The following FAAH2 variants were observed in gnomAD, a reference collection of about 807,000 sequenced individuals.
The protein encoded by FAAH2 is fatty-acid amide hydrolase 2.
In FAAH2, 60 loss-of-function variants were observed where a neutral mutation model predicts 36.9. The observed-to-expected ratio is 1.63, with a 90% CI of 1.32 to 2.02. The LOEUF (loss-of-function observed/expected upper bound fraction) is 2.02, where lower values mean the gene tolerates loss of function less well. FAAH2 is among the 30% of genes most tolerant of loss of function. The probability of loss-of-function intolerance (pLI) is 0.00; values close to 1 mark genes in which losing one functional copy is unlikely to be tolerated. For synonymous variants in FAAH2, 214 were observed against 143.8 expected, an observed-to-expected ratio of 1.49 and a Z score of -3.49; for missense variants, 689 against 397.5, an observed-to-expected ratio of 1.73 and a Z score of -6.23.
At chrX:57,132,485 GA>G in the FAAH2 span, among the ~76,000 whole-genome samples, 1 of 112,096 alleles carries the variant, frequency 8.9e-6, no homozygotes, top group Non-Finnish European at 1.9e-5. Flanking sequence ...AGGAAGACCA[GA>G]AAACGTGGTG....
chrX:57,135,562 G>T, the FAAH2 span: 5 of 489,465 alleles, frequency 1.0e-5, no homozygotes, highest in Non-Finnish European at 1.6e-5. Flanking sequence ...ATTCACAGCC[G>T]AAATTGACAG....
At chrX:57,249,223 C>T in the FAAH2 span, among the ~76,000 whole-genome samples, 161 of 111,698 alleles carry the variant, frequency 1.4e-3, no homozygotes, top group African/African-American at 4.9e-3. Context: ...GCAACCAGAA[C>T]AGTCAGTTTC....
Position 57,286,888 on chromosome X carries a change from A to G in FAAH2, c.63A>G (p.Ile21Met). 8.3e-7 allele frequency: 1 copy of G among 1,200,689 alleles called. No individual in the cohort carries two copies. The highest frequency in any genetic ancestry group is 1.8e-5 in the South Asian group (1 of 55,239). The change falls in exon 1 of 11, where the codon ATA (isoleucine) becomes ATG (methionine). Residue 21 changes from isoleucine (I) to methionine (M), a missense_variant. By Grantham distance (10) the Ile-to-Met change is conservative. Coordinates refer to ENST00000374900, the MANE Select transcript of FAAH2 (RefSeq NM_174912.4). ...LFLLRALGFL[I>M]GLVGRAALVL... Reference sequence around the variant, plus strand: ...TCTTGCGGGCGCTAGGCTTTCTCATAGGCTTAGTAGGCCGAGCAGCTTTAG... The same window carrying G: ...TCTTGCGGGCGCTAGGCTTTCTCATGGGCTTAGTAGGCCGAGCAGCTTTAG...
intron 10 of FAAH2, among the ~76,000 whole-genome samples, chrX:57,478,182 G>A (rs192757304): frequency 4.7e-4 from 52 of 111,646 alleles, no homozygotes; most frequent in Non-Finnish European, 7.9e-4. Flanking sequence ...ATTGCCATTC[G>A]AACTGGTATG....
chrX:57,161,854 A>C, the FAAH2 span, among the ~76,000 whole-genome samples: 1 of 111,389 alleles, frequency 9.0e-6, no homozygotes, highest in African/African-American at 3.3e-5. Context: ...CATTTAGTCC[A>C]TTTACATTTA....
chrX:57,225,606 G>A, the FAAH2 span, among the ~76,000 whole-genome samples: 1 of 111,631 alleles, frequency 9.0e-6, no homozygotes, highest in South Asian at 3.7e-4. Context: ...AATAGAATGT[G>A]TATTCTGCAG....
At chrX:57,458,614 G>T (rs1602731506) in intron 10 of FAAH2, among the ~76,000 whole-genome samples, 1 of 112,287 alleles carries the variant, frequency 8.9e-6, no homozygotes, top group Non-Finnish European at 1.9e-5. Flanking sequence ...AGTGACTTCT[G>T]CATTTGCAAT....
intron 2 of FAAH2, among the ~76,000 whole-genome samples, chrX:57,295,902 C>A (rs756805719): frequency 1.8e-5 from 2 of 112,406 alleles, no homozygotes; most frequent in African/African-American, 6.5e-5. Context: ...AGCAGCGAGG[C>A]TGGGGGAGGG....
At chrX:57,471,796 GC>G in intron 10 of FAAH2, among the ~76,000 whole-genome samples, 1 of 111,701 alleles carries the variant, frequency 9.0e-6, no homozygotes, top group Admixed American at 9.6e-5. Context: ...TCAACCCTAA[GC>G]CAAAAGAACA....
At chrX:57,366,446 G>A (rs966000180) in intron 5 of FAAH2, among the ~76,000 whole-genome samples, 3 of 112,298 alleles carry the variant, frequency 2.7e-5, no homozygotes, top group African/African-American at 9.7e-5. Flanking sequence ...CCAGCCCATT[G>A]GTGACAACAC....
intron 7 of FAAH2, chrX:57,392,996 G>T: frequency 1.1e-6 from 1 of 921,505 alleles, no homozygotes; most frequent in Non-Finnish European, 1.6e-6. Flanking sequence ...GGAGCTTGAG[G>T]TCATAAAGGA....
the FAAH2 span, among the ~76,000 whole-genome samples, chrX:57,222,016 A>G: frequency 9.0e-6 from 1 of 110,980 alleles, no homozygotes; most frequent in South Asian, 3.8e-4. Flanking sequence ...TCTTCCCAAA[A>G]TGCGAGTATT....
intron 10 of FAAH2, among the ~76,000 whole-genome samples, chrX:57,457,412 C>T (rs1412957043): frequency 9.0e-6 from 1 of 110,527 alleles, no homozygotes; most frequent in Non-Finnish European, 1.9e-5. Flanking sequence ...CCCACTTTCA[C>T]CACTCCTATT....
At chrX:57,244,623 C>T in the FAAH2 span, among the ~76,000 whole-genome samples, 1 of 111,626 alleles carries the variant, frequency 9.0e-6, no homozygotes, top group East Asian at 2.8e-4. Context: ...CATATCCAGC[C>T]AAACTAATCT....
At chrX:57,420,258 C>T (rs1001089007) in intron 7 of FAAH2, among the ~76,000 whole-genome samples, 1 of 111,188 alleles carries the variant, frequency 9.0e-6, no homozygotes, top group African/African-American at 3.3e-5. Flanking sequence ...TCTGTGAAGA[C>T]AGTCATTGGT....
At chrX:57,263,896 A>G in the FAAH2 span, among the ~76,000 whole-genome samples, 9 of 111,904 alleles carry the variant, frequency 8.0e-5, no homozygotes, top group African/African-American at 2.9e-4. Flanking sequence ...ACACATATAG[A>G]TATGCCAAAT....
chrX:57,221,870 G>T, the FAAH2 span, among the ~76,000 whole-genome samples: 1 of 109,803 alleles, frequency 9.1e-6, no homozygotes, highest in Non-Finnish European at 1.9e-5. Context: ...ACTTTTCTGT[G>T]TCCAAAAGGC....
the FAAH2 span, among the ~76,000 whole-genome samples, chrX:57,211,511 CCTGGGA>C: frequency 9.0e-6 from 1 of 111,727 alleles, no homozygotes; most frequent in Non-Finnish European, 1.9e-5. Flanking sequence ...TGGCCCATTG[CCTGGGA>C]CACCTGAGTA....
intron 10 of FAAH2, among the ~76,000 whole-genome samples, chrX:57,461,430 G>T (rs981709671): frequency 9.0e-6 from 1 of 111,680 alleles, no homozygotes; most frequent in African/African-American, 3.3e-5. Context: ...AAATGCAAAA[G>T]ATTGGAAATC....
Sources: gnomAD v4.1 joint callset for allele counts (sites outside exome capture counted in the v4.1 genomes callset) on GRCh38, gnomAD v4.1.1 for gene constraint, MANE v1.5 for transcripts, NCBI Gene and HGNC (gene_info 2026-07-23, HGNC 2026-07-21) for gene names.